VAT1L: variants seen among roughly 807,000 people sequenced by gnomAD.
VAT1L encodes the protein putative NADPH-dependent quinone oxidoreductase VAT1L.
Under a neutral mutation model 44.1 loss-of-function variants are expected in VAT1L, and 34 were observed. The ratio of observed to expected loss-of-function variants is 0.77; its 90% CI spans 0.59 to 1.03. VAT1L has a LOEUF of 1.03. VAT1L is among the 50% of genes least tolerant of loss of function. The pLI, the probability that VAT1L is intolerant of heterozygous loss-of-function variation, is 0.00. For synonymous variants in VAT1L, 253 were observed against 202.2 expected (o/e 1.25, Z -2.13); for missense variants, 615 against 538.8 (o/e 1.14, Z -1.40).
chr16:77,918,158 A>G (rs2017570533), intron 7 of VAT1L, among the ~76,000 whole-genome samples: 1 of 152,200 alleles, frequency 6.6e-6, no homozygotes, highest in African/African-American at 2.4e-5. Flanking sequence ...GGCTCAAGAA[A>G]CTGGAAGTTT....
intron 7 of VAT1L, among the ~76,000 whole-genome samples, chr16:77,946,118 G>C (rs535477937): frequency 6.6e-6 from 1 of 151,400 alleles, no homozygotes; most frequent in Non-Finnish European, 1.5e-5. Context: ...CCGTTTTTTA[G>C]ACATTATCAC....
intron 1 of VAT1L, among the ~76,000 whole-genome samples, chr16:77,799,545 GTGTGTGTGTGTGGTGTGTA>G: frequency 1.1e-5 from 1 of 90,114 alleles, no homozygotes; most frequent in African/African-American, 3.3e-5. Flanking sequence ...GTGTGTGTGT[GTGTGTGTGTGTGGTGTGTA>G]TTGGGGGAAA....
At chr16:77,839,478 G>A (rs2145258067) in intron 3 of VAT1L, among the ~76,000 whole-genome samples, 1 of 135,868 alleles carries the variant, frequency 7.4e-6, no homozygotes, top group Middle Eastern at 4.3e-3. Context: ...AGAGCTTGCA[G>A]TGAGCCGAAA....
intron 7 of VAT1L, among the ~76,000 whole-genome samples, chr16:77,925,778 G>A (rs889641847): frequency 6.6e-6 from 1 of 152,116 alleles, no homozygotes; most frequent in Admixed American, 6.6e-5. Flanking sequence ...ACAGAAAAGT[G>A]CCTTTTGAGA....
intron 7 of VAT1L, among the ~76,000 whole-genome samples, chr16:77,964,329 A>G (rs765828365): frequency 2.6e-5 from 4 of 152,210 alleles, no homozygotes; most frequent in Non-Finnish European, 5.9e-5. Flanking sequence ...TCAAGGTGTC[A>G]GCAGGGCTGC....
chr16:77,804,610 C>T (rs1352109807), intron 1 of VAT1L, among the ~76,000 whole-genome samples: 1 of 152,182 alleles, frequency 6.6e-6, no homozygotes, highest in Non-Finnish European at 1.5e-5. Context: ...CTTCCTCCCT[C>T]CTCTCTGTCC....
intron 7 of VAT1L, among the ~76,000 whole-genome samples, chr16:77,891,170 C>G (rs900411545): frequency 2.0e-5 from 3 of 151,852 alleles, no homozygotes; most frequent in African/African-American, 7.3e-5. Flanking sequence ...CTGGCTAACA[C>G]GGTGAAACCC....
intron 3 of VAT1L, among the ~76,000 whole-genome samples, chr16:77,835,731 G>A (rs1376586675): frequency 2.0e-5 from 3 of 152,094 alleles, no homozygotes; most frequent in South Asian, 2.1e-4. Flanking sequence ...AAATTAGCCA[G>A]GCGTGGTGGT....
At chr16:77,801,888 A>C (rs1408847462) in intron 1 of VAT1L, among the ~76,000 whole-genome samples, 1 of 152,128 alleles carries the variant, frequency 6.6e-6, no homozygotes, top group Non-Finnish European at 1.5e-5. Context: ...TAAACTCCCT[A>C]AAATTGTTCC....
chr16:77,845,782 G>A (rs1003575534), intron 3 of VAT1L, among the ~76,000 whole-genome samples: 1 of 152,086 alleles, frequency 6.6e-6, no homozygotes, highest in Non-Finnish European at 1.5e-5. Context: ...CCATTTAAAT[G>A]TCACTTCCTT....
chr16:77,842,630 C>G (rs2016718605), intron 3 of VAT1L, among the ~76,000 whole-genome samples: 1 of 152,054 alleles, frequency 6.6e-6, no homozygotes, highest in Non-Finnish European at 1.5e-5. Flanking sequence ...ATGGCCAAAG[C>G]CAGGGGTAGG....
At chr16:77,854,827 A>G (rs2016841918) in intron 3 of VAT1L, among the ~76,000 whole-genome samples, 1 of 152,218 alleles carries the variant, frequency 6.6e-6, no homozygotes, top group Non-Finnish European at 1.5e-5. Context: ...TTTAGAAGAG[A>G]TATACAAAAT....
chr16:77,896,690 A>C (rs1039097664), intron 7 of VAT1L, among the ~76,000 whole-genome samples: 14 of 151,564 alleles, frequency 9.2e-5, no homozygotes, highest in Non-Finnish European at 1.6e-4. Flanking sequence ...ATCTCCCATC[A>C]AGGTTCTAAG....
intron 7 of VAT1L, among the ~76,000 whole-genome samples, chr16:77,958,862 A>G (rs993049951): frequency 6.6e-6 from 1 of 152,146 alleles, no homozygotes; most frequent in African/African-American, 2.4e-5. Flanking sequence ...CAGTGTTCCT[A>G]CTAATAGCCC....
rs763091067 is a variant in VAT1L, at chr16:77,884,665, G to A, written c.940G>A (p.Ala314Thr). ...IKLYEENKVI[A>T]GFSLLNLLFK... The stretch of plus-strand genomic sequence containing the variant: ...GCTGTATGAGGAGAACAAAGTCATC[G>A]CGGGGTTTTCCCTTTTAAATCTGCT... Residue 314 changes from alanine to threonine, a missense_variant, in exon 7 of 9, where the codon GCG (alanine) becomes ACG (threonine). Physicochemically the swap from Ala to Thr is moderately conservative, Grantham distance 58. Transcript: ENST00000302536. This position sits in a 1 kb window ranked among gnomAD's most constrained non-coding sequence, Gnocchi z 4.5. 1.2e-5 allele frequency: 19 copies of A among 1,613,394 alleles called. No individual in the cohort carries two copies. The East Asian group carries it at 2.7e-4, about 23-fold the overall frequency.
At chr16:77,932,929 A>G (rs956895918) in intron 7 of VAT1L, among the ~76,000 whole-genome samples, 7 of 152,220 alleles carry the variant, frequency 4.6e-5, no homozygotes, top group African/African-American at 1.7e-4. Flanking sequence ...ACAGAAACAG[A>G]GGGACATTGG....
rs1200275154 is a variant in VAT1L, at chr16:77,979,650, A to G, written c.*1955A>G. The G allele has an allele frequency of 1.3e-5, 2 of 152,158 alleles. No individual in the cohort carries two copies. The highest frequency in any genetic ancestry group is 4.8e-5 in the African/African-American group (2 of 41,422). The allele number at this position is 152,158 out of a possible 1,614,324, so 9.4% of individuals were successfully genotyped here. On this transcript the variant is annotated 3_prime_UTR_variant, in exon 9 of 9. Coordinates refer to ENST00000302536, the MANE Select transcript of VAT1L (RefSeq NM_020927.3). Reference sequence around the variant, plus strand: ...TTCACATCGCCTTTGTTATGTCCAGAGGAGAGGCATAAAAAGGCACTCTCC... The same window carrying G: ...TTCACATCGCCTTTGTTATGTCCAGGGGAGAGGCATAAAAAGGCACTCTCC...
At chr16:77,960,370 G>T (rs1479616159) in intron 7 of VAT1L, among the ~76,000 whole-genome samples, 2 of 152,132 alleles carry the variant, frequency 1.3e-5, no homozygotes, top group Non-Finnish European at 2.9e-5. Context: ...AGGTATCAGA[G>T]TTAAGGAAAC....
chr16:77,842,327 C>T (rs868428342), intron 3 of VAT1L, among the ~76,000 whole-genome samples: 28 of 152,318 alleles, frequency 1.8e-4, no homozygotes, highest in Middle Eastern at 6.8e-3. Context: ...CAGTGTCTGG[C>T]CCTGTACAAG....
Sources: gnomAD v4.1 joint callset for allele counts (sites outside exome capture counted in the v4.1 genomes callset) on GRCh38, gnomAD v4.1.1 for gene constraint, Gnocchi (gnomAD v3.1) non-coding constraint, MANE v1.5 for transcripts, NCBI Gene and HGNC (gene_info 2026-07-23, HGNC 2026-07-21) for gene names.